The following HES7 variants were observed in gnomAD, a reference collection of about 807,000 sequenced individuals.
HES7 encodes hes family bHLH transcription factor 7.
A neutral mutation model predicts 18.0 loss-of-function variants in HES7; 8 were observed. The observed-to-expected ratio is 0.45, with a 90% CI of 0.26 to 0.80. The LOEUF (loss-of-function observed/expected upper bound fraction) is 0.80, where lower values mean the gene tolerates loss of function less well. Ranked by LOEUF, HES7 falls within the 30% of genes least tolerant of loss-of-function variation. HES7 has a pLI of 0.18. For missense variants in HES7, 356 were observed against 340.9 expected (o/e 1.04, Z -0.35); for synonymous variants, 170 against 158.6 (o/e 1.07, Z -0.54).
Position 8,122,328 on chromosome 17 carries a change from AC to A in HES7, c.226+14del. The A allele has an allele frequency of 8.3e-7, 1 of 1,209,670 alleles. No homozygotes were observed. Among genetic ancestry groups the A allele is most frequent in the Non-Finnish European group, 1.2e-6 (1 of 854,214 alleles). The allele number at this position is 1,209,670 out of a possible 1,614,324, so 74.9% of individuals were successfully genotyped here. ...CCCCCCTCCCTCCCTCCGCTGCCCC[AC>A]CCCCGCGCTGTACCCGGGGGCTCCA... is the stretch of plus-strand genomic sequence containing the variant. On this transcript the variant is annotated intron_variant, in intron 3 of 3. Coordinates refer to ENST00000541682, the MANE Select transcript of HES7 (RefSeq NM_001165967.2). This position sits in a 1 kb window ranked among gnomAD's most constrained non-coding sequence, Gnocchi z 6.9.
Position 8,123,464 on chromosome 17 carries a change from A to C in HES7, c.43-338T>G. The C allele has an allele frequency of 4.9e-6, 2 of 411,436 alleles. No individual in the cohort carries two copies. Among genetic ancestry groups the C allele is most frequent in the Non-Finnish European group, 9.0e-6 (2 of 221,364 alleles). The allele number at this position is 411,436 out of a possible 1,614,324, so 25.5% of individuals were successfully genotyped here. A position where few individuals can be genotyped will look rare whatever the true frequency, so the allele number is the denominator to read the frequency against. On this transcript the variant is annotated intron_variant, in intron 1 of 3. Coordinates refer to ENST00000541682, the MANE Select transcript of HES7 (RefSeq NM_001165967.2). This position sits in a 1 kb window ranked among gnomAD's most constrained non-coding sequence, Gnocchi z 5.9. ...AGAACTTTGGGGACTCTCTGCGCGC[A>C]CGCACGTGCGCCGCACGGTGCCGGG...
At position 8,121,889 on chromosome 17, in the gene HES7, G is replaced by T; in HGVS notation, c.375C>A (p.Ser125=). The T allele has an allele frequency of 6.4e-7, 1 of 1,571,342 alleles. No homozygotes were observed. Among genetic ancestry groups the T allele is most frequent in the Non-Finnish European group, 8.6e-7 (1 of 1,168,984 alleles). The change falls in exon 4 of 4, where the codon TCC becomes TCA. Residue 125 remains serine (S), a synonymous_variant. Coordinates refer to ENST00000541682, the MANE Select transcript of HES7 (RefSeq NM_001165967.2). The stretch of plus-strand genomic sequence containing the variant: ...TGGGGCGCAGATAGCCGTGCAGCGC[G>T]GAGAAGAGCTGGGCGCGGGCGGCCG... The part of the protein sequence containing the change: ...ASPAARAQLF[S]ALHGYLRPKP...
Position 8,122,365 on chromosome 17 carries a change from C to A in HES7, c.204G>T (p.Glu68Asp), listed in dbSNP as rs1291722698. Residue 68 changes from glutamate to aspartate, a missense_variant, in exon 3 of 4, where the codon GAG becomes GAT. Transcript: ENST00000541682. The surrounding 1 kb of genome is among the most constrained non-coding windows in gnomAD (Gnocchi z 6.9). Reference protein sequence around the residue: ...ILEFAVGYLRERSRVEPPAAA... With the variant: ...ILEFAVGYLRDRSRVEPPAAA... ...TACCCGGGGGCTCCACCCGGCTTCG[C>A]TCCCTCAAGTAGCCCACGGCGAACT... is the stretch of plus-strand genomic sequence containing the variant. 1.9e-6 allele frequency: 3 copies of A among 1,596,488 alleles called. No homozygotes were observed. In the Admixed American group the frequency reaches 5.2e-5, roughly 28 times the overall value.
At position 8,123,166 on chromosome 17, in the gene HES7, G is replaced by A; in HGVS notation, c.43-40C>T. The A allele has an allele frequency of 1.3e-6, 2 of 1,494,358 alleles. No individual in the cohort carries two copies. The highest frequency in any genetic ancestry group is 1.4e-5 in the African/African-American group (1 of 72,184). 92.6% of individuals were successfully genotyped at this position (1,494,358 alleles called of 1,614,324 possible). ...AAAAGGAGAGCGGGCCGACCAGACCGAGACTCAGTGCGGCCGCCCCGGCGT... is the reference window on the plus strand; with the variant it reads ...AAAAGGAGAGCGGGCCGACCAGACCAAGACTCAGTGCGGCCGCCCCGGCGT... On this transcript the variant is annotated intron_variant, in intron 1 of 3. Coordinates refer to ENST00000541682, the MANE Select transcript of HES7 (RefSeq NM_001165967.2). This position sits in a 1 kb window ranked among gnomAD's most constrained non-coding sequence, Gnocchi z 5.9.
In HES7 at chr17:8,121,870, G is replaced by A. The variant is rs375056498; in HGVS notation, c.394C>T (p.Arg132Cys). The A allele has an allele frequency of 1.1e-4, 176 of 1,571,534 alleles. No homozygotes were observed. The African/African-American group carries it at 2.1e-3, about 18-fold the overall frequency. ...GGCTTGGGCCGGGGCGGTTTGGGGC[G>A]CAGATAGCCGTGCAGCGCGGAGAAG... ...QLFSALHGYL[R>C]PKPPRPKPVD... Residue 132 changes from arginine to cysteine, a missense_variant, in exon 4 of 4, where the codon CGC (arginine) becomes TGC (cysteine). Coordinates refer to ENST00000541682, the MANE Select transcript of HES7 (RefSeq NM_001165967.2).
chr17:8,122,555 C>T lies in HES7; in HGVS notation c.139-125G>A. 1 of 712,540 alleles carries T rather than the reference C, an allele frequency of 1.4e-6. No individual in the cohort carries two copies. The allele number at this position is 712,540 out of a possible 1,614,324, so 44.1% of individuals were successfully genotyped here. On this transcript the variant is annotated intron_variant, in intron 2 of 3. Transcript: ENST00000541682. The surrounding 1 kb of genome is among the most constrained non-coding windows in gnomAD (Gnocchi z 6.9). ...TGCCCCCGATCGCATTTGCGCACTG[C>T]CCACAGAACGCGCGACCAAATGCGG...
rs1051186791 is a variant in HES7 at position 8,122,418 on chromosome 17, G to A, written c.151C>T (p.Pro51Ser). The stretch of plus-strand genomic sequence containing the variant: ...AATATCTCCGCTTTCTCCAGCTTCG[G>A]GTTCCGGAGGTTCTACAGACGGGAG... ...ERTRDQNLRN[P>S]KLEKAEILEF... The change falls in exon 3 of 4, where the codon CCG becomes TCG. Residue 51 changes from proline to serine, a missense_variant. Pro to Ser is a moderately conservative substitution (Grantham distance 74). Coordinates refer to ENST00000541682, the MANE Select transcript of HES7 (RefSeq NM_001165967.2). This position sits in a 1 kb window ranked among gnomAD's most constrained non-coding sequence, Gnocchi z 6.9. 6.3e-7 allele frequency: 1 copy of A among 1,583,702 alleles called. No individual in the cohort carries two copies. The highest frequency in any genetic ancestry group is 1.8e-5 in the Admixed American group (1 of 55,346).
At position 8,123,083 on chromosome 17, in the gene HES7, T is replaced by C. The variant is rs1332109041; in HGVS notation, c.86A>G (p.Asn29Ser). Residue 29 changes from asparagine to serine, a missense_variant, in exon 2 of 4, where the codon AAC (asparagine) becomes AGC (serine). Coordinates refer to ENST00000541682, the MANE Select transcript of HES7 (RefSeq NM_001165967.2). This position sits in a 1 kb window ranked among gnomAD's most constrained non-coding sequence, Gnocchi z 5.9. The stretch of plus-strand genomic sequence containing the variant: ...CAGCCTCAGCTCTTCCAGGCTGCGG[T>C]TGATGCGGTCCCGGCGCCGCTTCTC... The part of the protein sequence containing the change: ...LVEKRRRDRI[N>S]RSLEELRLLL... The C allele has an allele frequency of 4.4e-6, 7 of 1,607,576 alleles. No individual in the cohort carries two copies. The highest frequency in any genetic ancestry group is 5.9e-6 in the Non-Finnish European group (7 of 1,177,528).
In HES7 at chr17:8,123,154, G is replaced by A. The variant is rs1327889525; in HGVS notation, c.43-28C>T. 6.4e-7 allele frequency: 1 copy of A among 1,566,556 alleles called. No individual in the cohort carries two copies. The highest frequency in any genetic ancestry group is 8.7e-7 in the Non-Finnish European group (1 of 1,151,966). On this transcript the variant is annotated intron_variant, in intron 1 of 3. Coordinates refer to ENST00000541682, the MANE Select transcript of HES7 (RefSeq NM_001165967.2). The surrounding 1 kb of genome is among the most constrained non-coding windows in gnomAD (Gnocchi z 5.9). ...GCGACCAGCGAGAAAAGGAGAGCGG[G>A]CCGACCAGACCGAGACTCAGTGCGG...
Position 8,121,789 on chromosome 17 carries a change from G to T in HES7, c.475C>A (p.Leu159Ile). Residue 159 changes from leucine to isoleucine, a missense_variant, in exon 4 of 4, where the codon CTT (leucine) becomes ATT (isoleucine). Leu to Ile is a conservative substitution (Grantham distance 5). Coordinates refer to ENST00000541682, the MANE Select transcript of HES7 (RefSeq NM_001165967.2). ...RPSLDPAAPA[L>I]GPALHQRPPV... ...GGGCGCTGGTGCAGCGCAGGGCCAA[G>T]GGCCGGTGCGGCGGGGTCCAGGGAT... 6.4e-7 allele frequency: 1 copy of T among 1,553,244 alleles called. No homozygotes were observed. Among genetic ancestry groups the T allele is most frequent in the Non-Finnish European group, 8.6e-7 (1 of 1,161,774 alleles).
At position 8,121,483 on chromosome 17, in the gene HES7, G is replaced by T; in HGVS notation, c.*88C>A. 1 of 1,186,766 alleles carries T rather than the reference G, an allele frequency of 8.4e-7. No individual in the cohort carries two copies. The highest frequency in any genetic ancestry group is 1.1e-6 in the Non-Finnish European group (1 of 937,956). 73.5% of individuals were successfully genotyped at this position (1,186,766 alleles called of 1,614,324 possible). A position where few individuals can be genotyped will look rare whatever the true frequency, so the allele number is the denominator to read the frequency against. Reference sequence around the variant, plus strand: ...CGCCCCACTGCCCTCCCCAACACCTGCTCGCCCGGACGCCCGGGTCCCTCT... The same window carrying T: ...CGCCCCACTGCCCTCCCCAACACCTTCTCGCCCGGACGCCCGGGTCCCTCT... On this transcript the variant is annotated 3_prime_UTR_variant, in exon 4 of 4. Coordinates refer to ENST00000541682, the MANE Select transcript of HES7 (RefSeq NM_001165967.2).
rs1025852558 is a variant in HES7 at position 8,122,588 on chromosome 17, A to T, written c.139-158T>A. On this transcript the variant is annotated intron_variant, in intron 2 of 3. Coordinates refer to ENST00000541682, the MANE Select transcript of HES7 (RefSeq NM_001165967.2). This position sits in a 1 kb window ranked among gnomAD's most constrained non-coding sequence, Gnocchi z 6.9. The stretch of plus-strand genomic sequence containing the variant: ...ACGCGCGACCAAATGCGGAGTGGAG[A>T]TGACCAAGGAAAGTCCTGGCCCACC... Among the ~76,000 whole-genome samples the T allele has an allele frequency of 1.3e-5, 2 of 152,140 alleles. No individual in the cohort carries two copies. The highest frequency in any genetic ancestry group is 4.8e-5 in the African/African-American group (2 of 41,438).
Position 8,123,979 on chromosome 17 carries a change from G to T in HES7, c.42+64C>A. 1 of 1,575,748 alleles carries T rather than the reference G, an allele frequency of 6.3e-7. No individual in the cohort carries two copies. Among genetic ancestry groups the T allele is most frequent in the Non-Finnish European group, 8.7e-7 (1 of 1,148,190 alleles). On this transcript the variant is annotated intron_variant, in intron 1 of 3. Transcript: ENST00000541682. This position sits in a 1 kb window ranked among gnomAD's most constrained non-coding sequence, Gnocchi z 5.9. ...TCCCCAGCCTCTCTCCAGACCGACGGCGTCAGGGGCCCAGTCCCCTAGCCA... is the reference window on the plus strand; with the variant it reads ...TCCCCAGCCTCTCTCCAGACCGACGTCGTCAGGGGCCCAGTCCCCTAGCCA...
Position 8,121,694 on chromosome 17 carries a change from C to G in HES7, c.570G>C (p.Gly190=). The G allele has an allele frequency of 2.3e-6, 3 of 1,328,294 alleles. No individual in the cohort carries two copies. Among genetic ancestry groups the G allele is most frequent in the Admixed American group, 8.2e-5 (2 of 24,386 alleles). 82.3% of individuals were successfully genotyped at this position (1,328,294 alleles called of 1,614,324 possible). The change falls in exon 4 of 4, where the codon GGG becomes GGC. Residue 190 remains glycine (G), a synonymous_variant. Coordinates refer to ENST00000541682, the MANE Select transcript of HES7 (RefSeq NM_001165967.2). The part of the protein sequence containing the change: ...WSPSLCSPRA[G]DSGAPAPLTG... ...TGAGGGGCGCCGGCGCGCCAGAATC[C>G]CCGGCGCGCGGGGAGCAGAGGGATG... is the stretch of plus-strand genomic sequence containing the variant.
chr17:8,126,604 G>A (rs1286525874), upstream of HES7, among the ~76,000 whole-genome samples: 1 of 152,132 alleles, frequency 6.6e-6, no homozygotes, highest in African/African-American at 2.4e-5. Context: ...TGGGCGCACA[G>A]CCACCTGCGG....
rs1251857016 is a variant in HES7 at position 8,123,034 on chromosome 17, G to A, written c.135C>T (p.Asp45=). ...TAGGGCTAGCGGAGGGACTGACCTG[G>A]TCCCGGGTCCGCTCCAGCAGCAGCA... The part of the protein sequence containing the change: ...LRLLLLERTR[D]QNLRNPKLEK... Residue 45 remains aspartate (D), a synonymous_variant, in exon 2 of 4, where the codon GAC becomes GAT. Transcript: ENST00000541682. The surrounding 1 kb of genome is among the most constrained non-coding windows in gnomAD (Gnocchi z 5.9). 1 of 1,596,158 alleles carries A rather than the reference G, an allele frequency of 6.3e-7. No homozygotes were observed. The highest frequency in any genetic ancestry group is 1.7e-4 in the Middle Eastern group (1 of 6,020).
chr17:8,123,178 G>T lies in HES7; in HGVS notation c.43-52C>A. The T allele has an allele frequency of 7.0e-7, 1 of 1,426,442 alleles. No individual in the cohort carries two copies. Among genetic ancestry groups the T allele is most frequent in the Non-Finnish European group, 9.6e-7 (1 of 1,038,438 alleles). The allele number at this position is 1,426,442 out of a possible 1,614,324, so 88.4% of individuals were successfully genotyped here. On this transcript the variant is annotated intron_variant, in intron 1 of 3. Coordinates refer to ENST00000541682, the MANE Select transcript of HES7 (RefSeq NM_001165967.2). This position sits in a 1 kb window ranked among gnomAD's most constrained non-coding sequence, Gnocchi z 5.9. ...GGCCGACCAGACCGAGACTCAGTGCGGCCGCCCCGGCGTCGGATCCCGCCG... is the reference window on the plus strand; with the variant it reads ...GGCCGACCAGACCGAGACTCAGTGCTGCCGCCCCGGCGTCGGATCCCGCCG...
Position 8,121,828 on chromosome 17 carries a change from G to C in HES7, c.436C>G (p.Pro146Ala), listed in dbSNP as rs757876441. ...PRPKPVDPRPPAPRPSLDPAA... is the reference protein window; with the variant it reads ...PRPKPVDPRPAAPRPSLDPAA... The stretch of plus-strand genomic sequence containing the variant: ...GGGTCCAGGGATGGGCGCGGCGCTG[G>C]AGGCCTCGGATCTACCGGCTTGGGC... The change falls in exon 4 of 4, where the codon CCA (proline) becomes GCA (alanine). Residue 146 changes from proline to alanine, a missense_variant. Physicochemically the swap from Pro to Ala is conservative, Grantham distance 27 (BLOSUM62 -1). Transcript: ENST00000541682. 1 of 1,569,780 alleles carries C rather than the reference G, an allele frequency of 6.4e-7. No individual in the cohort carries two copies. The highest frequency in any genetic ancestry group is 8.6e-7 in the Non-Finnish European group (1 of 1,168,620).
In HES7 at chr17:8,121,135, CTTCTT is replaced by C. The variant is rs1380867443; in HGVS notation, c.*431_*435del. 1.9e-5 allele frequency: 3 copies of C among 160,960 alleles called. No individual in the cohort carries two copies. The highest frequency in any genetic ancestry group is 6.4e-5 in the Admixed American group (1 of 15,508). The allele number at this position is 160,960 out of a possible 1,614,324, so 10.0% of individuals were successfully genotyped here. A position where few individuals can be genotyped will look rare whatever the true frequency, so the allele number is the denominator to read the frequency against. On this transcript the variant is annotated 3_prime_UTR_variant, in exon 4 of 4. Transcript: ENST00000541682. ...TCGATCTCAGTTCCCGCTCTGCTCTCTTCTTTACTTACCTGTCTGCCCCGGGGCTT... is the reference window on the plus strand; with the variant it reads ...TCGATCTCAGTTCCCGCTCTGCTCTCTACTTACCTGTCTGCCCCGGGGCTT...
Sources: allele counts gnomAD v4.1 joint callset (sites outside exome capture counted in the v4.1 genomes callset), GRCh38; gene constraint gnomAD v4.1.1; non-coding constraint Gnocchi (gnomAD v3.1); transcripts MANE v1.5; gene names NCBI Gene and HGNC (gene_info 2026-07-23, HGNC 2026-07-21).